AMIGO3: variants seen among roughly 807,000 people sequenced by gnomAD.
AMIGO3 encodes the protein adhesion molecule with Ig like domain 3.
AMIGO3 carries 6 observed loss-of-function variants against 4.3 expected under a neutral mutation model. The ratio of observed to expected loss-of-function variants is 1.39; its 90% confidence interval spans 0.76 to 2.75. The LOEUF (loss-of-function observed/expected upper bound fraction) is 2.75. Among genes scored for constraint, AMIGO3 ranks in the 30% most tolerant of loss-of-function variants. AMIGO3 has a pLI of 0.00. For missense variants in AMIGO3, 771 were observed against 692.1 expected (o/e 1.11, Z -1.28); for synonymous variants, 315 against 320.0 (o/e 0.98, Z 0.17).
Position 49,718,679 on chromosome 3 carries a change from A to C in AMIGO3, c.787T>G (p.Phe263Val). 5 of 1,613,024 alleles carry C rather than the reference A, an allele frequency of 3.1e-6. No homozygotes were observed. Among genetic ancestry groups the C allele is most frequent in the Non-Finnish European group, 4.2e-6 (5 of 1,179,934 alleles). ...AFKVPASRVR[F>V]FQHSRVFENC... is the part of the protein sequence containing the mutation. The stretch of plus-strand genomic sequence containing the variant: ...TCAAAGACGCGGCTGTGCTGGAAGA[A>C]GCGCACGCGGGACGCGGGTACCTTG... Residue 263 changes from phenylalanine (F) to valine (V), a missense_variant, in exon 1 of 1, where the codon TTC (phenylalanine) becomes GTC (valine). Coordinates refer to ENST00000320431, the MANE Select transcript of AMIGO3 (RefSeq NM_198722.3).
In AMIGO3 at chr3:49,718,953, C is replaced by T. The variant is rs750822721; in HGVS notation, c.513G>A (p.Ser171=). 5.0e-6 allele frequency: 8 copies of T among 1,613,748 alleles called. No individual in the cohort carries two copies. In the South Asian group the frequency reaches 7.7e-5, roughly 16 times the overall value. The change falls in exon 1 of 1, where the codon TCG becomes TCA. Residue 171 remains serine, a synonymous_variant. Transcript: ENST00000320431. ...HLYLGCNELA[S]FSFDHLHGLS... ...GACCGTGCAGGTGGTCGAAGGAGAACGAGGCGAGTTCGTTGCAGCCCAGGT... is the reference window on the plus strand; with the variant it reads ...GACCGTGCAGGTGGTCGAAGGAGAATGAGGCGAGTTCGTTGCAGCCCAGGT...
At position 49,719,046 on chromosome 3, in the gene AMIGO3, C is replaced by G; in HGVS notation, c.420G>C (p.Leu140=). The G allele has an allele frequency of 6.2e-7, 1 of 1,613,896 alleles. No individual in the cohort carries two copies. The highest frequency in any genetic ancestry group is 8.5e-7 in the Non-Finnish European group (1 of 1,180,034). The change falls in exon 1 of 1, where the codon CTG becomes CTC. Residue 140 remains leucine, a synonymous_variant. Coordinates refer to ENST00000320431, the MANE Select transcript of AMIGO3 (RefSeq NM_198722.3). ...DGLGALEKLL[L]FNNRLVHLDE... ...CCAAGTGCACCAAGCGGTTATTGAA[C>G]AGAAGCAGCTTCTCCAGCGCCCCCA... is the stretch of plus-strand genomic sequence containing the variant.
Position 49,717,765 on chromosome 3 carries a change from G to T in AMIGO3, c.*186C>A. ...TGTGCAGGGGCAGAGCAGAAGGCAG[G>T]TTGGGGACCACAACCCCTGTCTCTA... is the stretch of plus-strand genomic sequence containing the variant. On this transcript the variant is annotated 3_prime_UTR_variant, in exon 1 of 1. Coordinates refer to ENST00000320431, the MANE Select transcript of AMIGO3 (RefSeq NM_198722.3). The T allele has an allele frequency of 1.5e-6, 1 of 674,680 alleles. No homozygotes were observed. Among genetic ancestry groups the T allele is most frequent in the Non-Finnish European group, 2.5e-6 (1 of 404,980 alleles). 41.8% of individuals were successfully genotyped at this position (674,680 alleles called of 1,614,324 possible).
chr3:49,719,652 A>G lies in AMIGO3; in HGVS notation c.-187T>C, dbSNP rs1350840979. ...GGTTGTGAGGCGGTGCGGCACTCTTAGCCGCGCTCCCTTCGGCTTCGCTAG... is the reference window on the plus strand; with the variant it reads ...GGTTGTGAGGCGGTGCGGCACTCTTGGCCGCGCTCCCTTCGGCTTCGCTAG... On this transcript the variant is annotated 5_prime_UTR_variant, in exon 1 of 1. Transcript: ENST00000320431. The G allele has an allele frequency of 3.4e-6, 2 of 582,996 alleles. No individual in the cohort carries two copies. The highest frequency in any genetic ancestry group is 6.1e-5 in the East Asian group (2 of 32,618). The allele number at this position is 582,996 out of a possible 1,614,324, so 36.1% of individuals were successfully genotyped here.
At position 49,719,401 on chromosome 3, in the gene AMIGO3, T is replaced by C; in HGVS notation, c.65A>G (p.Asp22Gly). ...CMLRVGLGTP[D>G]SEGFPPRALH... ...CGCACGGGGCGGGAAACCCTCGGAG[T>C]CCGGGGTGCCTAACCCAACGCGCAG... Residue 22 changes from aspartate (D) to glycine (G), a missense_variant, in exon 1 of 1, where the codon GAC becomes GGC. Transcript: ENST00000320431. 1 of 1,613,364 alleles carries C rather than the reference T, an allele frequency of 6.2e-7. No homozygotes were observed. The highest frequency in any genetic ancestry group is 8.5e-7 in the Non-Finnish European group (1 of 1,179,974).
chr3:49,718,976 G>C lies in AMIGO3; in HGVS notation c.490C>G (p.Leu164Val). 6.2e-7 allele frequency: 1 copy of C among 1,613,850 alleles called. No individual in the cohort carries two copies. Among genetic ancestry groups the C allele is most frequent in the Non-Finnish European group, 8.5e-7 (1 of 1,180,044 alleles). The stretch of plus-strand genomic sequence containing the variant: ...AACGAGGCGAGTTCGTTGCAGCCCA[G>C]GTAGAGATGGCTGAGCGCGCGCAGG... Reference protein sequence around the residue: ...HGLRALSHLYLGCNELASFSF... With the variant: ...HGLRALSHLYVGCNELASFSF... The change falls in exon 1 of 1, where the codon CTG becomes GTG. Residue 164 changes from leucine (L) to valine (V), a missense_variant. Coordinates refer to ENST00000320431, the MANE Select transcript of AMIGO3 (RefSeq NM_198722.3).
rs752992889 is a variant in AMIGO3, at chr3:49,719,176, AG to A, written c.289del (p.Leu97Ter). On this transcript the variant is annotated frameshift_variant, in exon 1 of 1. Transcript: ENST00000320431. LOFTEE classifies it low-confidence loss of function (END_TRUNC). The part of the protein sequence containing the change: ...LRALHLDHNE[L>X]DALGRGVFVN... ...GAAGACGCCGCGACCCAGCGCATCT[AG>A]TTCGTTGTGGTCTAGGTGCAGGGCG... The A allele has an allele frequency of 6.2e-7, 1 of 1,613,470 alleles. No homozygotes were observed. The highest frequency in any genetic ancestry group is 1.7e-5 in the Admixed American group (1 of 60,030).
Position 49,718,876 on chromosome 3 carries a change from TGTCCCAGCCG to T in AMIGO3, c.580_589del (p.Arg194ThrfsTer43). The T allele has an allele frequency of 1.2e-6, 2 of 1,613,504 alleles. No individual in the cohort carries two copies. Among genetic ancestry groups the T allele is most frequent in the Non-Finnish European group, 1.7e-6 (2 of 1,180,028 alleles). On this transcript the variant is annotated frameshift_variant, in exon 1 of 1. Coordinates refer to ENST00000320431, the MANE Select transcript of AMIGO3 (RefSeq NM_198722.3). LOFTEE classifies it low-confidence loss of function (END_TRUNC). ...CGCGGCCAGCTCAGGTACGGAGATGTGTCCCAGCCGGTTGGAGGAGAGGTCCAGAGTAAGC... is the reference window on the plus strand; with the variant it reads ...CGCGGCCAGCTCAGGTACGGAGATGTGTTGGAGGAGAGGTCCAGAGTAAGC...
At position 49,719,667 on chromosome 3, in the gene AMIGO3, G is replaced by C; in HGVS notation, c.-202C>G. ...CGGCACTCTTAGCCGCGCTCCCTTC[G>C]GCTTCGCTAGCCCTCTCCAAGCGAG... On this transcript the variant is annotated 5_prime_UTR_variant, in exon 1 of 1. Coordinates refer to ENST00000320431, the MANE Select transcript of AMIGO3 (RefSeq NM_198722.3). 5.3e-6 allele frequency: 3 copies of C among 570,644 alleles called. No individual in the cohort carries two copies. Among genetic ancestry groups the C allele is most frequent in the Non-Finnish European group, 9.5e-6 (3 of 316,788 alleles). 35.3% of individuals were successfully genotyped at this position (570,644 alleles called of 1,614,324 possible). A position where few individuals can be genotyped will look rare whatever the true frequency, so the allele number is the denominator to read the frequency against.
rs755824523 is a variant in AMIGO3, at chr3:49,719,420, C to A, written c.46G>T (p.Val16Phe). The A allele has an allele frequency of 1.2e-6, 2 of 1,613,596 alleles. No homozygotes were observed. Among genetic ancestry groups the A allele is most frequent in the East Asian group, 2.2e-5 (1 of 44,880 alleles). ...TCGGAGTCCGGGGTGCCTAACCCAACGCGCAGCATGCAGAGCAGTGTCCCC... is the reference window on the plus strand; with the variant it reads ...TCGGAGTCCGGGGTGCCTAACCCAAAGCGCAGCATGCAGAGCAGTGTCCCC... ...LLGTLLCMLR[V>F]GLGTPDSEGF... Residue 16 changes from valine to phenylalanine, a missense_variant, in exon 1 of 1, where the codon GTT becomes TTT. Coordinates refer to ENST00000320431, the MANE Select transcript of AMIGO3 (RefSeq NM_198722.3).
At position 49,718,360 on chromosome 3, in the gene AMIGO3, A is replaced by T. The variant is rs1348235053; in HGVS notation, c.1106T>A (p.Val369Glu). ...LHHNQTHEYNVSVHFPRPEPE... is the reference protein window; with the variant it reads ...LHHNQTHEYNESVHFPRPEPE... ...CTCTGGGCGCGGAAAGTGCACGCTC[A>T]CGTTGTACTCGTGCGTCTGGTTGTG... Residue 369 changes from valine to glutamate, a missense_variant, in exon 1 of 1, where the codon GTG (valine) becomes GAG (glutamate). Val to Glu is a moderately radical substitution (Grantham distance 121). Transcript: ENST00000320431. 6.2e-7 allele frequency: 1 copy of T among 1,613,270 alleles called. No homozygotes were observed. Among genetic ancestry groups the T allele is most frequent in the Non-Finnish European group, 8.5e-7 (1 of 1,179,956 alleles).
In AMIGO3 at chr3:49,719,197, A is replaced by C; in HGVS notation, c.269T>G (p.Leu90Arg). Residue 90 changes from leucine (L) to arginine (R), a missense_variant, in exon 1 of 1, where the codon CTG (leucine) becomes CGG (arginine). Physicochemically the swap from Leu to Arg is moderately radical, Grantham distance 102. Coordinates refer to ENST00000320431, the MANE Select transcript of AMIGO3 (RefSeq NM_198722.3). ...ATCTAGTTCGTTGTGGTCTAGGTGC[A>C]GGGCGCGCAGCTGGAAGAGGGGCGC... ...WLAPLFQLRA[L>R]HLDHNELDAL... 1.2e-6 allele frequency: 2 copies of C among 1,613,350 alleles called. No homozygotes were observed. The highest frequency in any genetic ancestry group is 1.7e-6 in the Non-Finnish European group (2 of 1,179,904).
chr3:49,718,706 A>G lies in AMIGO3; in HGVS notation c.760T>C (p.Phe254Leu), dbSNP rs1259344975. 1.9e-6 allele frequency: 3 copies of G among 1,612,904 alleles called. No homozygotes were observed. The African/African-American group carries it at 4.0e-5, about 22-fold the overall frequency. Reference protein sequence around the residue: ...DFAREYVCLAFKVPASRVRFF... With the variant: ...DFAREYVCLALKVPASRVRFF... ...CGCACGCGGGACGCGGGTACCTTGA[A>G]GGCCAAGCATACGTACTCGCGCGCA... The change falls in exon 1 of 1, where the codon TTC (phenylalanine) becomes CTC (leucine). Residue 254 changes from phenylalanine (F) to leucine (L), a missense_variant. Transcript: ENST00000320431.
chr3:49,718,466 C>G lies in AMIGO3; in HGVS notation c.1000G>C (p.Asp334His). 6.2e-7 allele frequency: 1 copy of G among 1,612,920 alleles called. No homozygotes were observed. The highest frequency in any genetic ancestry group is 8.5e-7 in the Non-Finnish European group (1 of 1,179,938). ...ACGTTGCCTATGGCCAAGCTGCCGT[C>G]GGCCAGCACCGCGATGCTGCCATCG... ...SRDGSIAVLA[D>H]GSLAIGNVQE... is the part of the protein sequence containing the mutation. Residue 334 changes from aspartate (D) to histidine (H), a missense_variant, in exon 1 of 1, where the codon GAC (aspartate) becomes CAC (histidine). Coordinates refer to ENST00000320431, the MANE Select transcript of AMIGO3 (RefSeq NM_198722.3).
rs1215601199 is a variant in AMIGO3 at position 49,718,704 on chromosome 3, G to C, written c.762C>G (p.Phe254Leu). ...DFAREYVCLA[F>L]KVPASRVRFF... ...AGCGCACGCGGGACGCGGGTACCTTGAAGGCCAAGCATACGTACTCGCGCG... is the reference window on the plus strand; with the variant it reads ...AGCGCACGCGGGACGCGGGTACCTTCAAGGCCAAGCATACGTACTCGCGCG... The change falls in exon 1 of 1, where the codon TTC (phenylalanine) becomes TTG (leucine). Residue 254 changes from phenylalanine to leucine, a missense_variant. By Grantham distance (22) the Phe-to-Leu change is conservative. Transcript: ENST00000320431. 1 of 1,613,016 alleles carries C rather than the reference G, an allele frequency of 6.2e-7. No homozygotes were observed. Among genetic ancestry groups the C allele is most frequent in the African/African-American group, 1.3e-5 (1 of 75,082 alleles).
In AMIGO3 at chr3:49,718,754, C is replaced by T. The variant is rs372306225; in HGVS notation, c.712G>A (p.Gly238Ser). The T allele has an allele frequency of 3.1e-6, 5 of 1,613,102 alleles. No individual in the cohort carries two copies. The highest frequency in any genetic ancestry group is 4.2e-6 in the Non-Finnish European group (5 of 1,180,012). Residue 238 changes from glycine (G) to serine (S), a missense_variant, in exon 1 of 1, where the codon GGC becomes AGC. Gly to Ser is a moderately conservative substitution (Grantham distance 56). Coordinates refer to ENST00000320431, the MANE Select transcript of AMIGO3 (RefSeq NM_198722.3). The stretch of plus-strand genomic sequence containing the variant: ...GCAAAGTCGCGCACGGCGCTCAGGC[C>T]CCGCTGGTGCCAGCGCTGTAGCAGG... ...YHLLQRWHQR[G>S]LSAVRDFARE...
rs868348253 is a variant in AMIGO3, at chr3:49,719,552, G to A, written c.-87C>T. 4.0e-5 allele frequency: 48 copies of A among 1,199,286 alleles called. No individual in the cohort carries two copies. The African/African-American group carries it at 6.1e-4, about 15-fold the overall frequency. The allele number at this position is 1,199,286 out of a possible 1,614,324, so 74.3% of individuals were successfully genotyped here. A position where few individuals can be genotyped will look rare whatever the true frequency, so the allele number is the denominator to read the frequency against. On this transcript the variant is annotated 5_prime_UTR_variant, in exon 1 of 1. Transcript: ENST00000320431. ...CCTCTTCTGCTCTAGTGCGACATGG[G>A]TGGCACCGGATGGCCCTTGCCGAGG...
rs562593899 is a variant in AMIGO3, at chr3:49,718,065, G to A, written c.1401C>T (p.Arg467=). 4 of 1,613,614 alleles carry A rather than the reference G, an allele frequency of 2.5e-6. No individual in the cohort carries two copies. Among genetic ancestry groups the A allele is most frequent in the Admixed American group, 3.3e-5 (2 of 60,036 alleles). ...LEPGRRGLNG[R]VQLAVAEEFD... ...ATTCCTCAGCTACTGCCAGCTGCAC[G>A]CGGCCATTGAGGCCCCTCCGGCCTG... The change falls in exon 1 of 1, where the codon CGC becomes CGT. Residue 467 remains arginine, a synonymous_variant. Transcript: ENST00000320431.
Position 49,718,281 on chromosome 3 carries a change from A to G in AMIGO3, c.1185T>C (p.Leu395=), listed in dbSNP as rs376175713. The change falls in exon 1 of 1, where the codon CTT becomes CTC. Residue 395 remains leucine, a synonymous_variant. Coordinates refer to ENST00000320431, the MANE Select transcript of AMIGO3 (RefSeq NM_198722.3). The stretch of plus-strand genomic sequence containing the variant: ...CGAACAGGTAGAGCAGCACGAGCAC[A>G]AGGCCCACGGCACAGCCCAGCAGTG... ...FTTLLGCAVG[L]VLVLLYLFAP... 3 of 1,613,034 alleles carry G rather than the reference A, an allele frequency of 1.9e-6. No homozygotes were observed. The highest frequency in any genetic ancestry group is 1.7e-5 in the Admixed American group (1 of 60,006).
Sources: allele counts gnomAD v4.1 joint callset, GRCh38; gene constraint gnomAD v4.1.1; transcripts MANE v1.5; gene names NCBI Gene and HGNC (gene_info 2026-07-23, HGNC 2026-07-21).